Variants in SNAP47 observed in about 807,000 individuals in gnomAD.
The protein encoded by SNAP47 is synaptosomal-associated protein 47.
In SNAP47, 20 loss-of-function variants were observed where a neutral mutation model predicts 31.4. That is an observed-to-expected ratio of 0.64 (90% CI 0.45 to 0.93). The LOEUF is 0.93. Ranked by LOEUF, SNAP47 falls within the 40% of genes least tolerant of loss-of-function variation. The pLI, the probability that SNAP47 is intolerant of heterozygous loss-of-function variation, is 0.00. For missense variants in SNAP47, 492 were observed against 528.5 expected, an observed-to-expected ratio of 0.93 and a Z score of 0.68; for synonymous variants, 194 against 213.4, an observed-to-expected ratio of 0.91 and a Z score of 0.79.
At chr1:227,734,690 G>A (rs199647402), upstream of SNAP47, 5 of 1,614,046 alleles carry the variant, frequency 3.1e-6, no homozygotes, top group Middle Eastern at 1.6e-4. Context: ...ACAGCCCCTG[G>A]GAGAGGAGTA....
intron 3 of SNAP47, among the ~76,000 whole-genome samples, chr1:227,766,254 C>G (rs730684): frequency 1.3e-5 from 2 of 152,124 alleles, no homozygotes; most frequent in Non-Finnish European, 2.9e-5. Flanking sequence ...CTGCACCAGA[C>G]GTAGGGGAGC....
chr1:227,769,150 T>C (rs1331426911), intron 4 of SNAP47, among the ~76,000 whole-genome samples: 2 of 152,182 alleles, frequency 1.3e-5, no homozygotes, highest in African/African-American at 4.8e-5. Flanking sequence ...ATCCAGGCTG[T>C]GTCTCCCCTG....
At chr1:227,728,198 C>T (rs1022911851), upstream of SNAP47, among the ~76,000 whole-genome samples, 1 of 152,214 alleles carries the variant, frequency 6.6e-6, no homozygotes, top group Non-Finnish European at 1.5e-5. Context: ...CACCTCCGGG[C>T]TAGGAGGTTT....
chr1:227,732,972 A>G, upstream of SNAP47: 15 of 1,612,782 alleles, frequency 9.3e-6, no homozygotes, highest in Non-Finnish European at 1.2e-5. Context: ...GAAGCGCCAC[A>G]TGTTGGCCAG....
At chr1:227,755,880 CCCAACG>C (rs1662663874) in intron 2 of SNAP47, among the ~76,000 whole-genome samples, 1 of 152,208 alleles carries the variant, frequency 6.6e-6, no homozygotes, top group Non-Finnish European at 1.5e-5. Context: ...CACTGAGTGG[CCCAACG>C]CCAGGGGGCC....
chr1:227,734,382 G>C, upstream of SNAP47: 1 of 359,804 alleles, frequency 2.8e-6, no homozygotes, highest in Non-Finnish European at 4.9e-6. Flanking sequence ...AAAAAAGCCG[G>C]GAGTGGAGAC....
chr1:227,751,348 C>T (rs966297422), intron 2 of SNAP47, among the ~76,000 whole-genome samples: 9 of 152,214 alleles, frequency 5.9e-5, no homozygotes, highest in Non-Finnish European at 1.3e-4. Context: ...CAGGCCCCAC[C>T]GCCGGCCAGG....
intron 4 of SNAP47, among the ~76,000 whole-genome samples, chr1:227,775,576 C>T (rs12749163): frequency 4.6e-5 from 7 of 152,244 alleles, no homozygotes; most frequent in African/African-American, 1.4e-4. Context: ...GCACTGTCTT[C>T]CCGGGCTGCT....
chr1:227,734,871 ACCGTCTG>A, upstream of SNAP47: 2 of 1,604,036 alleles, frequency 1.2e-6, no homozygotes, highest in Non-Finnish European at 1.7e-6. Context: ...CTCACTCCAA[ACCGTCTG>A]CAGAGGAACT....
At chr1:227,744,863 C>T (rs1661856861) in intron 1 of SNAP47, among the ~76,000 whole-genome samples, 1 of 152,196 alleles carries the variant, frequency 6.6e-6, no homozygotes, top group African/African-American at 2.4e-5. Context: ...GCCCTGCTGA[C>T]CTCATGAGGC....
At chr1:227,732,207 G>A, upstream of SNAP47, 2 of 655,838 alleles carry the variant, frequency 3.0e-6, no homozygotes, top group Non-Finnish European at 5.3e-6. Context: ...ATCCCATCTT[G>A]GGTCCCTGAC....
intron 4 of SNAP47, among the ~76,000 whole-genome samples, chr1:227,774,342 T>C (rs1291023747): frequency 6.6e-6 from 1 of 152,106 alleles, no homozygotes; most frequent in Non-Finnish European, 1.5e-5. Flanking sequence ...GGGAAGTGGG[T>C]TTGTGCAGCT....
intron 1 of SNAP47, 104 bp downstream of exon 1, chr1:227,735,603 T>G: frequency 1.5e-6 from 2 of 1,324,282 alleles, no homozygotes; most frequent in Non-Finnish European, 1.9e-6. Flanking sequence ...CGAGCCCTCC[T>G]TCCCGCATCC....
chr1:227,747,468 T>C (rs1662039170), intron 1 of SNAP47, among the ~76,000 whole-genome samples: 1 of 152,150 alleles, frequency 6.6e-6, no homozygotes, highest in Admixed American at 6.5e-5. Context: ...AGTCTGGGAC[T>C]CAGGGGTCCT....
chr1:227,734,107 C>A (rs1660882172), upstream of SNAP47: 3 of 1,528,634 alleles, frequency 2.0e-6, no homozygotes, highest in Non-Finnish European at 2.6e-6. Context: ...AGTGGGGCAA[C>A]TGAGACCAAT....
chr1:227,773,911 A>G (rs1282436686), intron 4 of SNAP47, among the ~76,000 whole-genome samples: 1 of 152,232 alleles, frequency 6.6e-6, no homozygotes, highest in Non-Finnish European at 1.5e-5. Flanking sequence ...TGACTATTTT[A>G]GTATATCATG....
intron 1 of SNAP47, among the ~76,000 whole-genome samples, chr1:227,735,979 T>C (rs966534301): frequency 3.5e-5 from 5 of 141,646 alleles, no homozygotes; most frequent in African/African-American, 1.4e-4. Context: ...GAGAGGACGG[T>C]GGCACTTGGA....
upstream of SNAP47, chr1:227,732,474 A>G (rs770520344): frequency 3.7e-6 from 6 of 1,613,100 alleles, no homozygotes; most frequent in East Asian, 2.2e-5. Context: ...GCTGGTGTCC[A>G]CTCTCTGGAA....
At chr1:227,733,358 C>T, upstream of SNAP47, 3 of 1,526,442 alleles carry the variant, frequency 2.0e-6, no homozygotes, top group Non-Finnish European at 1.8e-6. Context: ...GGAGGTGGTG[C>T]TGCCGTCTTC....
Sources: allele counts gnomAD v4.1 joint callset (sites outside exome capture counted in the v4.1 genomes callset), GRCh38; gene constraint gnomAD v4.1.1; transcripts MANE v1.5; gene names NCBI Gene and HGNC (gene_info 2026-07-23, HGNC 2026-07-21).